ASAH2B: variants seen among roughly 807,000 people sequenced by gnomAD.
ASAH2B encodes putative inactive neutral ceramidase B.
In ASAH2B, 1 loss-of-function variant was observed where a neutral mutation model predicts 2.9. That is an observed-to-expected ratio of 0.34 (90% CI 0.12 to 1.63). ASAH2B has a LOEUF of 1.63. Among genes scored for constraint, ASAH2B ranks in the 40% most tolerant of loss-of-function variants. The pLI, the probability that ASAH2B is intolerant of heterozygous loss-of-function variation, is 0.36. For synonymous variants in ASAH2B, 4 were observed against 13.3 expected (o/e 0.30, Z 1.52); for missense variants, 9 against 37.7 (o/e 0.24, Z 1.99).
chr10:50,746,438 T>G (rs1186834067), intron 3 of ASAH2B, among the ~76,000 whole-genome samples: 6 of 151,416 alleles, frequency 4.0e-5, no homozygotes, highest in Admixed American at 3.3e-4. Flanking sequence ...TCTTGGCTAT[T>G]GTGAACAGTG....
At chr10:50,742,067 C>T (rs1264293337) in intron 1 of ASAH2B, among the ~76,000 whole-genome samples, 1 of 152,120 alleles carries the variant, frequency 6.6e-6, no homozygotes, top group Non-Finnish European at 1.5e-5. Flanking sequence ...AACCAACCCT[C>T]ATGACATGTG....
At chr10:50,743,799 T>G (rs898498861) in intron 2 of ASAH2B, 1 of 150,890 alleles carries the variant, frequency 6.6e-6, no homozygotes, top group African/African-American at 2.5e-5. Flanking sequence ...TATATAATAA[T>G]ATGTAAGCCT....
rs764875712 is a variant in ASAH2B at position 50,743,027 on chromosome 10, T to C, written c.-4+17T>C. On this transcript the variant is annotated intron_variant, in intron 2 of 5. Coordinates refer to ENST00000647317, the MANE Select transcript of ASAH2B (RefSeq NM_001321958.2). ...ATTGCTACGGTAATCAAATATTGTT[T>C]GTGCGTGCGTGCGTGCGTGTGTGTG... is the stretch of plus-strand genomic sequence containing the variant. The C allele has an allele frequency of 1.3e-5, 21 of 1,606,352 alleles. No individual in the cohort carries two copies. Among genetic ancestry groups the C allele is most frequent in the Non-Finnish European group, 1.7e-5 (20 of 1,175,792 alleles).
chr10:50,740,079 G>A (rs1459775507), intron 1 of ASAH2B, 96 bp downstream of exon 1: 1 of 154,244 alleles, frequency 6.5e-6, no homozygotes, highest in African/African-American at 2.4e-5. Context: ...TCCTTCCCTG[G>A]TCCTCCGGGT....
chr10:50,747,362 C>A (rs1839923452), intron 3 of ASAH2B, among the ~76,000 whole-genome samples: 1 of 151,102 alleles, frequency 6.6e-6, no homozygotes, highest in South Asian at 2.1e-4. Context: ...TTACTTTAGG[C>A]CAGTACCATG....
intron 4 of ASAH2B, among the ~76,000 whole-genome samples, chr10:50,751,646 A>G (rs1839980938): frequency 6.6e-6 from 1 of 151,590 alleles, no homozygotes; most frequent in African/African-American, 2.4e-5. Context: ...CCACATGTAA[A>G]TAGGTGATAC....
rs937578028 is a variant in ASAH2B, at chr10:50,757,003, C to T, written c.*2263C>T. 1.3e-5 allele frequency: 2 copies of T among 151,626 alleles called. No individual in the cohort carries two copies. The highest frequency in any genetic ancestry group is 3.0e-5 in the Non-Finnish European group (2 of 67,746). The allele number at this position is 151,626 out of a possible 1,614,324, so 9.4% of individuals were successfully genotyped here. ...GAGAACAATTTTGGAGATTTTGTTT[C>T]TCATGTTAAAGTGTCTGCATTTTAT... is the stretch of plus-strand genomic sequence containing the variant. On this transcript the variant is annotated 3_prime_UTR_variant, in exon 6 of 6. Coordinates refer to ENST00000647317, the MANE Select transcript of ASAH2B (RefSeq NM_001321958.2).
In ASAH2B at chr10:50,755,910, T is replaced by C. The variant is rs1368206488; in HGVS notation, c.*1170T>C. The C allele has an allele frequency of 6.6e-6, 1 of 151,442 alleles. No homozygotes were observed. Among genetic ancestry groups the C allele is most frequent in the Non-Finnish European group, 1.5e-5 (1 of 67,640 alleles). The allele number at this position is 151,442 out of a possible 1,614,324, so 9.4% of individuals were successfully genotyped here. A position where few individuals can be genotyped will look rare whatever the true frequency, so the allele number is the denominator to read the frequency against. ...AGTTATATCTTGTGTATCATCTGTGTTGGATACTCTAATTTGGGGGGAAAG... is the reference window on the plus strand; with the variant it reads ...AGTTATATCTTGTGTATCATCTGTGCTGGATACTCTAATTTGGGGGGAAAG... On this transcript the variant is annotated 3_prime_UTR_variant, in exon 6 of 6. Coordinates refer to ENST00000647317, the MANE Select transcript of ASAH2B (RefSeq NM_001321958.2).
chr10:50,754,067 A>G (rs1296361890), intron 5 of ASAH2B, among the ~76,000 whole-genome samples: 5 of 145,508 alleles, frequency 3.4e-5, no homozygotes, highest in African/African-American at 1.3e-4. Context: ...GACCATATCT[A>G]TCTTGCTCCT....
At chr10:50,740,689 G>T (rs1588926333) in intron 1 of ASAH2B, among the ~76,000 whole-genome samples, 2 of 152,276 alleles carry the variant, frequency 1.3e-5, no homozygotes, top group South Asian at 4.2e-4. Context: ...GACCTTAATT[G>T]AATGAAATGG....
chr10:50,748,657 T>A (rs1446596193), intron 3 of ASAH2B, among the ~76,000 whole-genome samples: 1 of 151,292 alleles, frequency 6.6e-6, no homozygotes, highest in Non-Finnish European at 1.5e-5. Flanking sequence ...CTCTCTATGA[T>A]GCTCTGTGCT....
At chr10:50,742,468 C>G (rs904931801) in intron 1 of ASAH2B, among the ~76,000 whole-genome samples, 4 of 152,274 alleles carry the variant, frequency 2.6e-5, no homozygotes, top group Admixed American at 1.3e-4. Flanking sequence ...CTAAAAGATG[C>G]ATTTGGCTCA....
Position 50,742,923 on chromosome 10 carries a change from A to G in ASAH2B, c.-91A>G, listed in dbSNP as rs370588693. ...CCCTGCCTTTCCTGCAGGCTCAGCG[A>G]TATGAGGCAGCATCGACAATTTATG... On this transcript the variant is annotated 5_prime_UTR_variant, in exon 2 of 6. Coordinates refer to ENST00000647317, the MANE Select transcript of ASAH2B (RefSeq NM_001321958.2). 5 of 1,613,880 alleles carry G rather than the reference A, an allele frequency of 3.1e-6. No homozygotes were observed. In the African/African-American group the frequency reaches 6.7e-5, roughly 22 times the overall value.
intron 4 of ASAH2B, among the ~76,000 whole-genome samples, chr10:50,751,630 C>A (rs1839980585): frequency 1.3e-5 from 2 of 151,694 alleles, no homozygotes; most frequent in South Asian, 4.1e-4. Flanking sequence ...TAAACAATTA[C>A]ATGGCCCACA....
intron 2 of ASAH2B, among the ~76,000 whole-genome samples, chr10:50,743,276 C>T (rs1481964497): frequency 5.9e-5 from 9 of 151,828 alleles, no homozygotes; most frequent in Non-Finnish European, 8.8e-5. Flanking sequence ...TTACAACCAT[C>T]ATGTGAAATT....
intron 3 of ASAH2B, among the ~76,000 whole-genome samples, chr10:50,745,854 T>C (rs1376954262): frequency 4.0e-5 from 6 of 150,724 alleles, no homozygotes. Context: ...AAAATTTTTA[T>C]TTAATTTTCT....
chr10:50,757,822 C>A lies in ASAH2B; in HGVS notation c.*3082C>A, dbSNP rs1446933431. 2 of 151,588 alleles carry A rather than the reference C, an allele frequency of 1.3e-5. No homozygotes were observed. Among genetic ancestry groups the A allele is most frequent in the African/African-American group, 4.8e-5 (2 of 41,358 alleles). 9.4% of individuals were successfully genotyped at this position (151,588 alleles called of 1,614,324 possible). A position where few individuals can be genotyped will look rare whatever the true frequency, so the allele number is the denominator to read the frequency against. On this transcript the variant is annotated 3_prime_UTR_variant, in exon 6 of 6. Transcript: ENST00000647317. ...CTGTAACTCAGAAAATATTCCTGAT[C>A]AACATGCATCCAAACACTAAAGACA...
rs2132737928 is a variant in ASAH2B at position 50,757,250 on chromosome 10, A to G, written c.*2510A>G. On this transcript the variant is annotated 3_prime_UTR_variant, in exon 6 of 6. Coordinates refer to ENST00000647317, the MANE Select transcript of ASAH2B (RefSeq NM_001321958.2). ...ACTTTTTTAAAAAAAGAGGTGGAAC[A>G]AAAGGTGGTAGATTACATGTAAATT... 1 of 151,702 alleles carries G rather than the reference A, an allele frequency of 6.6e-6. No individual in the cohort carries two copies. The highest frequency in any genetic ancestry group is 2.1e-4 in the South Asian group (1 of 4,822). 9.4% of individuals were successfully genotyped at this position (151,702 alleles called of 1,614,324 possible).
Position 50,756,832 on chromosome 10 carries a change from G to C in ASAH2B, c.*2092G>C, listed in dbSNP as rs1288754452. The C allele has an allele frequency of 6.6e-6, 1 of 151,744 alleles. No individual in the cohort carries two copies. Among genetic ancestry groups the C allele is most frequent in the Non-Finnish European group, 1.5e-5 (1 of 67,788 alleles). The allele number at this position is 151,744 out of a possible 1,614,324, so 9.4% of individuals were successfully genotyped here. A position where few individuals can be genotyped will look rare whatever the true frequency, so the allele number is the denominator to read the frequency against. ...CCTGTGCATAAAAGAATATCATGAA[G>C]TAATTGAACTTATCTGTTGATATAA... is the stretch of plus-strand genomic sequence containing the variant. On this transcript the variant is annotated 3_prime_UTR_variant, in exon 6 of 6. Transcript: ENST00000647317.
Sources: allele counts gnomAD v4.1 joint callset (sites outside exome capture counted in the v4.1 genomes callset), GRCh38; gene constraint gnomAD v4.1.1; transcripts MANE v1.5; gene names NCBI Gene and HGNC (gene_info 2026-07-23, HGNC 2026-07-21).